Variants in PCDH15 observed in about 807,000 individuals in gnomAD.
PCDH15 encodes protocadherin related 15.
Under a neutral mutation model 178.5 loss-of-function variants are expected in PCDH15, and 129 were observed. That is an observed-to-expected ratio of 0.72 (90% CI 0.63 to 0.84). PCDH15 has a LOEUF of 0.84. PCDH15 is among the 40% of genes least tolerant of loss of function. The probability of loss-of-function intolerance (pLI) is 0.00; values close to 1 mark genes in which losing one functional copy is unlikely to be tolerated. For missense variants in PCDH15, 2,230 were observed against 2,099.9 expected (o/e 1.06, Z -1.21); for synonymous variants, 800 against 732.0 (o/e 1.09, Z -1.50).
chr10:54,729,369 C>A (rs931505501), intron 1 of PCDH15, among the ~76,000 whole-genome samples: 1 of 151,606 alleles, frequency 6.6e-6, no homozygotes, highest in Non-Finnish European at 1.5e-5. Flanking sequence ...TAGCCCTATG[C>A]AGAAGACTGA....
At chr10:54,616,678 A>C (rs1264480506) in intron 2 of PCDH15, among the ~76,000 whole-genome samples, 1 of 152,076 alleles carries the variant, frequency 6.6e-6, no homozygotes, top group Non-Finnish European at 1.5e-5. Context: ...CACCAAAGAC[A>C]CTTGTTTAGT....
At chr10:54,346,614 G>A in intron 5 of PCDH15, 130 bp from the exon 6 acceptor site, 1 of 1,032,392 alleles carries the variant, frequency 9.7e-7, no homozygotes, top group Non-Finnish European at 1.5e-6. Flanking sequence ...ACCACAAACT[G>A]AAGTGTTTCA....
chr10:54,926,814 T>C (rs1837639648), intron 2 of PCDH15, among the ~76,000 whole-genome samples: 1 of 152,110 alleles, frequency 6.6e-6, no homozygotes, highest in Admixed American at 6.6e-5. Flanking sequence ...TTGTTGTTTC[T>C]AATTGCATTT....
chr10:55,350,228 CATATATATATATATATATATATAT>C (rs869240598), intron 2 of PCDH15, among the ~76,000 whole-genome samples: 7 of 73,472 alleles, frequency 9.5e-5, no homozygotes, highest in East Asian at 8.2e-4. Context: ...TATATAAACT[CATATATATATATATATATATATAT>C]ATATATATAT....
chr10:54,501,728 G>C (rs986524383), intron 3 of PCDH15, among the ~76,000 whole-genome samples: 7 of 151,928 alleles, frequency 4.6e-5, no homozygotes, highest in Non-Finnish European at 1.0e-4. Flanking sequence ...ATGAAAATTT[G>C]ATGTGTATAA....
intron 3 of PCDH15, among the ~76,000 whole-genome samples, chr10:54,515,865 C>T (rs556524956): frequency 6.6e-6 from 1 of 152,356 alleles, no homozygotes; most frequent in African/African-American, 2.4e-5. Context: ...GCAGCCACTG[C>T]TGCTGATACC....
At chr10:53,889,932 T>C (rs2081434534) in intron 26 of PCDH15, among the ~76,000 whole-genome samples, 1 of 152,074 alleles carries the variant, frequency 6.6e-6, no homozygotes, top group East Asian at 1.9e-4. Context: ...GAAAAACAAA[T>C]TTATGGTTGG....
intron 1 of PCDH15, among the ~76,000 whole-genome samples, chr10:54,779,799 T>C (rs1950188163): frequency 6.6e-6 from 1 of 151,954 alleles, no homozygotes; most frequent in Non-Finnish European, 1.5e-5. Flanking sequence ...CGATTTGTGC[T>C]TCCTACATAG....
intron 2 of PCDH15, among the ~76,000 whole-genome samples, chr10:55,600,449 C>T (rs1450129641): frequency 6.6e-6 from 1 of 152,006 alleles, no homozygotes; most frequent in Non-Finnish European, 1.5e-5. Context: ...TAGTGTAAGT[C>T]AGTTATTACA....
At chr10:53,990,294 T>C (rs895289917) in intron 21 of PCDH15, among the ~76,000 whole-genome samples, 1 of 152,000 alleles carries the variant, frequency 6.6e-6, no homozygotes, top group East Asian at 1.9e-4. Context: ...CAGAGGGAAA[T>C]AAAATACTTC....
At chr10:54,286,694 CA>C (rs1408838444) in intron 8 of PCDH15, among the ~76,000 whole-genome samples, 1 of 152,188 alleles carries the variant, frequency 6.6e-6, no homozygotes, top group Non-Finnish European at 1.5e-5. Context: ...AGCACGATCT[CA>C]GCTCACTGCA....
At chr10:54,094,980 T>A (rs1430889298) in intron 15 of PCDH15, among the ~76,000 whole-genome samples, 1 of 152,164 alleles carries the variant, frequency 6.6e-6, no homozygotes, top group Non-Finnish European at 1.5e-5. Flanking sequence ...TCTAAACTAA[T>A]CTTCTGTTCA....
chr10:54,220,099 G>T (rs1240377867), intron 9 of PCDH15, among the ~76,000 whole-genome samples: 1 of 152,118 alleles, frequency 6.6e-6, no homozygotes, highest in East Asian at 1.9e-4. Flanking sequence ...GCTTTCATCA[G>T]CATAGAATGG....
intron 2 of PCDH15, among the ~76,000 whole-genome samples, chr10:54,981,310 A>G (rs1486238007): frequency 6.6e-6 from 1 of 152,128 alleles, no homozygotes; most frequent in East Asian, 1.9e-4. Flanking sequence ...GCCATACCAA[A>G]TTCCATCACT....
At chr10:55,161,671 C>A (rs185386242) in intron 2 of PCDH15, among the ~76,000 whole-genome samples, 3 of 152,202 alleles carry the variant, frequency 2.0e-5, no homozygotes, top group Admixed American at 1.3e-4. Context: ...ACTTCTCTAA[C>A]CCTTTCATTA....
chr10:55,045,953 G>C (rs1168882611), intron 2 of PCDH15, among the ~76,000 whole-genome samples: 2 of 151,956 alleles, frequency 1.3e-5, no homozygotes, highest in African/African-American at 4.8e-5. Context: ...TTCTCCAGTA[G>C]GACTCATCAA....
intron 26 of PCDH15, among the ~76,000 whole-genome samples, chr10:53,867,140 T>G (rs2079519696): frequency 6.6e-6 from 1 of 152,100 alleles, no homozygotes; most frequent in African/African-American, 2.4e-5. Flanking sequence ...CTACCCCTCC[T>G]TTCCTTTTAC....
chr10:54,292,750 CAACATACAAGGG>C (rs2059500756), intron 8 of PCDH15, among the ~76,000 whole-genome samples: 1 of 152,058 alleles, frequency 6.6e-6, no homozygotes, highest in Admixed American at 6.6e-5. Flanking sequence ...CCTAGGAATC[CAACATACAAGGG>C]ATGTGAGGGA....
rs11004303 is a variant in PCDH15 at position 54,438,098 on chromosome 10, C to A, written c.158-59156G>T. Among the ~76,000 whole-genome samples, 450 of 151,660 alleles carry A rather than the reference C, an allele frequency of 3.0e-3. 1 individual carries two copies. Among genetic ancestry groups the A allele is most frequent in the Non-Finnish European group, 4.8e-3 (328 of 67,902 alleles). ...GTAAATTAAAACTACAATTTTGCAA[C>A]CAAATTAAAACATTTTCCCTACCTG... On this transcript the variant is annotated intron_variant, in intron 3 of 37. Coordinates refer to ENST00000644397, the MANE Select transcript of PCDH15 (RefSeq NM_001384140.1).
Sources: gnomAD v4.1 joint callset for allele counts (sites outside exome capture counted in the v4.1 genomes callset) on GRCh38, gnomAD v4.1.1 for gene constraint, MANE v1.5 for transcripts, NCBI Gene and HGNC (gene_info 2026-07-23, HGNC 2026-07-21) for gene names.